Variants in SMOC2 observed in about 807,000 individuals in gnomAD.
The protein encoded by SMOC2 is SPARC related modular calcium binding 2, also known as SPARC-related modular calcium-binding protein 2.
Under a neutral mutation model 61.4 loss-of-function variants are expected in SMOC2, and 39 were observed. That is an observed-to-expected ratio of 0.64 (90% CI 0.49 to 0.83). The LOEUF (loss-of-function observed/expected upper bound fraction) is 0.83. Among genes scored for constraint, SMOC2 ranks in the 40% least tolerant of loss-of-function variants. SMOC2 has a pLI of 0.00. For missense variants in SMOC2, 556 were observed against 592.9 expected (o/e 0.94, Z 0.65); for synonymous variants, 247 against 239.9 (o/e 1.03, Z -0.27).
At chr6:168,483,415 A>G (rs774442977) in intron 1 of SMOC2, among the ~76,000 whole-genome samples, 2 of 152,126 alleles carry the variant, frequency 1.3e-5, no homozygotes, top group Admixed American at 6.5e-5. Flanking sequence ...ATTATAAAAC[A>G]TTGCCAAAAG....
intron 1 of SMOC2, among the ~76,000 whole-genome samples, chr6:168,506,028 A>G (rs1782864900): frequency 7.0e-6 from 1 of 143,068 alleles, no homozygotes; most frequent in Non-Finnish European, 1.5e-5. Flanking sequence ...TTTTTTTTTG[A>G]GACAAGGTCT....
intron 7 of SMOC2, among the ~76,000 whole-genome samples, chr6:168,591,684 T>C (rs1583138809): frequency 6.7e-6 from 1 of 150,258 alleles, no homozygotes; most frequent in East Asian, 1.9e-4. Context: ...CATGTGTGTA[T>C]TAAAAGTCAG....
chr6:168,459,865 C>T (rs1314117925), intron 1 of SMOC2, among the ~76,000 whole-genome samples: 7 of 150,984 alleles, frequency 4.6e-5, no homozygotes, highest in African/African-American at 1.5e-4. Flanking sequence ...TGGGTGAGCC[C>T]GGGGGTGGGT....
At chr6:168,591,520 T>C (rs552600676) in intron 7 of SMOC2, among the ~76,000 whole-genome samples, 56 of 152,214 alleles carry the variant, frequency 3.7e-4, no homozygotes, top group African/African-American at 1.2e-3. Context: ...AAGGTTTGAG[T>C]GAGAATGAAC....
chr6:168,649,222 A>G (rs1351278628), intron 9 of SMOC2, among the ~76,000 whole-genome samples: 1 of 152,202 alleles, frequency 6.6e-6, no homozygotes, highest in Non-Finnish European at 1.5e-5. Context: ...GGCTCCTGAG[A>G]TTCCCTTTGG....
chr6:168,606,975 C>T (rs1311317558), intron 8 of SMOC2, among the ~76,000 whole-genome samples: 1 of 152,022 alleles, frequency 6.6e-6, no homozygotes, highest in African/African-American at 2.4e-5. Context: ...AGCATGAGGT[C>T]AGCTGAGTGG....
chr6:168,481,415 A>G (rs1445759156), intron 1 of SMOC2, among the ~76,000 whole-genome samples: 2 of 152,130 alleles, frequency 1.3e-5, no homozygotes, highest in African/African-American at 4.8e-5. Context: ...TTTGTATGTT[A>G]TTGAAGTTAA....
At chr6:168,488,929 C>G (rs1490149219) in intron 1 of SMOC2, among the ~76,000 whole-genome samples, 1 of 151,098 alleles carries the variant, frequency 6.6e-6, no homozygotes, top group Non-Finnish European at 1.5e-5. Flanking sequence ...ATCAAATCGT[C>G]TGGGTCCCCT....
intron 7 of SMOC2, among the ~76,000 whole-genome samples, chr6:168,589,024 T>C (rs551240105): frequency 6.9e-6 from 1 of 144,364 alleles, no homozygotes; most frequent in Non-Finnish European, 1.5e-5. Flanking sequence ...TTGCAGTGAG[T>C]TGAGATCGTG....
At chr6:168,613,820 G>C (rs1366482949) in intron 9 of SMOC2, among the ~76,000 whole-genome samples, 1 of 131,818 alleles carries the variant, frequency 7.6e-6, no homozygotes, top group African/African-American at 2.9e-5. Context: ...CCTAGAGCCA[G>C]CACAGGACCT....
In SMOC2 at chr6:168,598,945, G is replaced by A. The variant is rs766037147; in HGVS notation, c.765G>A (p.Thr255=). ...AGCCAGTGCAGTGCCACCCCTCCAC[G>A]GGGTACTGCTGGTGCGTCCTGGTGG... ...LYKPVQCHPS[T]GYCWCVLVDT... Residue 255 remains threonine, a synonymous_variant, in exon 8 of 13, where the codon ACG becomes ACA. Transcript: ENST00000356284. 11 of 1,613,428 alleles carry A rather than the reference G, an allele frequency of 6.8e-6. No individual in the cohort carries two copies. The highest frequency in any genetic ancestry group is 4.0e-5 in the African/African-American group (3 of 74,840).
intron 9 of SMOC2, among the ~76,000 whole-genome samples, chr6:168,625,357 A>G (rs1275748794): frequency 6.6e-6 from 1 of 152,174 alleles, no homozygotes; most frequent in East Asian, 1.9e-4. Context: ...CGATGTGGGA[A>G]CGCTGGAGCA....
intron 7 of SMOC2, among the ~76,000 whole-genome samples, chr6:168,588,036 A>G (rs1785082887): frequency 6.6e-6 from 1 of 151,266 alleles, no homozygotes; most frequent in African/African-American, 2.4e-5. Flanking sequence ...GGTGGGGGTG[A>G]TTCATGTTCT....
At chr6:168,615,632 A>G (rs1179874262) in intron 9 of SMOC2, among the ~76,000 whole-genome samples, 1 of 26,904 alleles carries the variant, frequency 3.7e-5, no homozygotes, top group East Asian at 1.2e-3. Flanking sequence ...CAGCCAGCAC[A>G]GGGCCTCTTC....
At chr6:168,464,184 G>A (rs1280738284) in intron 1 of SMOC2, among the ~76,000 whole-genome samples, 2 of 41,956 alleles carry the variant, frequency 4.8e-5, no homozygotes, top group Non-Finnish European at 7.3e-5. Flanking sequence ...GAGCAAGACT[G>A]TCAAAAAAAA....
intron 7 of SMOC2, among the ~76,000 whole-genome samples, chr6:168,575,476 A>C (rs1311834044): frequency 6.6e-6 from 1 of 152,160 alleles, no homozygotes; most frequent in Non-Finnish European, 1.5e-5. Context: ...GGGACCCTGC[A>C]AACAGCCAGA....
chr6:168,549,335 G>A lies in SMOC2; in HGVS notation c.637+132G>A, dbSNP rs529348367. 398 of 718,130 alleles carry A rather than the reference G, an allele frequency of 5.5e-4. 2 individuals carry two copies. In the African/African-American group the frequency reaches 6.7e-3, roughly 12 times the overall value. 44.5% of individuals were successfully genotyped at this position (718,130 alleles called of 1,614,324 possible). A position where few individuals can be genotyped will look rare whatever the true frequency, so the allele number is the denominator to read the frequency against. ...ACATGGGGGTGAGGGGTGCAGACCT[G>A]GCACAAACATCTGAGGATAACTTTC... On this transcript the variant is annotated intron_variant, in intron 7 of 12. Coordinates refer to ENST00000356284, the MANE Select transcript of SMOC2 (RefSeq NM_001166412.2).
At chr6:168,460,101 C>T (rs1344907121) in intron 1 of SMOC2, among the ~76,000 whole-genome samples, 1 of 152,148 alleles carries the variant, frequency 6.6e-6, no homozygotes, top group Non-Finnish European at 1.5e-5. Flanking sequence ...CTTTGATTGA[C>T]TGATACCCCA....
intron 7 of SMOC2, among the ~76,000 whole-genome samples, chr6:168,584,775 G>A (rs956578629): frequency 6.6e-6 from 1 of 151,918 alleles, no homozygotes; most frequent in South Asian, 2.1e-4. Flanking sequence ...GAGCATCGAT[G>A]TAGAGTGAGA....
Sources: allele counts gnomAD v4.1 joint callset (sites outside exome capture counted in the v4.1 genomes callset), GRCh38; gene constraint gnomAD v4.1.1; transcripts MANE v1.5; gene names NCBI Gene and HGNC (gene_info 2026-07-23, HGNC 2026-07-21).